PLEKHA5: variants seen among roughly 807,000 people sequenced by gnomAD.
The protein encoded by PLEKHA5 is pleckstrin homology domain containing A5.
Under a neutral mutation model 181.9 loss-of-function variants are expected in PLEKHA5, and 55 were observed. The ratio of observed to expected loss-of-function variants is 0.30; its 90% CI spans 0.24 to 0.38. The LOEUF (loss-of-function observed/expected upper bound fraction) is 0.38. Among genes scored for constraint, PLEKHA5 ranks in the 10% least tolerant of loss-of-function variants. The probability of loss-of-function intolerance (pLI) is 1.00; values close to 1 mark genes in which losing one functional copy is unlikely to be tolerated. For missense variants in PLEKHA5, 1,432 were observed against 1,549.5 expected, an observed-to-expected ratio of 0.92 and a Z score of 1.27; for synonymous variants, 535 against 529.4, an observed-to-expected ratio of 1.01 and a Z score of -0.15.
At chr12:19,226,235 G>A (rs556565399) in intron 3 of PLEKHA5, among the ~76,000 whole-genome samples, 3 of 152,142 alleles carry the variant, frequency 2.0e-5, no homozygotes, top group African/African-American at 7.2e-5. Context: ...TAGCATAATG[G>A]TTTTGTGATT....
rs188502174 is a variant in PLEKHA5, at chr12:19,197,563, G to A, written c.228-56377G>A. Among the ~76,000 whole-genome samples the A allele has an allele frequency of 2.0e-4, 31 of 152,122 alleles. No homozygotes were observed. The East Asian group carries it at 6.0e-3, about 29-fold the overall frequency. ...TACATCGTTTATTGTGTTTGCACTT[G>A]TCTTCTCTGATAGAAGCTCCCTGAA... On this transcript the variant is annotated intron_variant, in intron 3 of 31. Transcript: ENST00000429027.
intron 3 of PLEKHA5, among the ~76,000 whole-genome samples, chr12:19,170,426 GA>G (rs940946673): frequency 8.6e-5 from 7 of 81,268 alleles, no homozygotes; most frequent in African/African-American, 2.7e-4. Flanking sequence ...CAATTCAGAA[GA>G]CTTTTTTTTT....
At chr12:19,203,462 A>G (rs1255151333) in intron 3 of PLEKHA5, among the ~76,000 whole-genome samples, 1 of 152,028 alleles carries the variant, frequency 6.6e-6, no homozygotes, top group Non-Finnish European at 1.5e-5. Context: ...CAGTCTCCAC[A>G]CCACCAGTTC....
chr12:19,304,100 C>T (rs189347372), intron 15 of PLEKHA5, among the ~76,000 whole-genome samples: 96 of 152,012 alleles, frequency 6.3e-4, no homozygotes, highest in Non-Finnish European at 1.1e-3. Context: ...TGAGCCACCG[C>T]GCATGGCCGA....
chr12:19,319,671 A>G (rs903548238), intron 16 of PLEKHA5: 5 of 171,508 alleles, frequency 2.9e-5, no homozygotes, highest in Non-Finnish European at 3.7e-5. Context: ...CTCACAGTCA[A>G]TATAAAAATC....
At chr12:19,372,755 T>C (rs968063503) in intron 31 of PLEKHA5, 6 of 148,634 alleles carry the variant, frequency 4.0e-5, no homozygotes, top group African/African-American at 1.6e-4. Flanking sequence ...GTTTAAGCCT[T>C]TTTTCTTTTT....
intron 3 of PLEKHA5, among the ~76,000 whole-genome samples, chr12:19,145,427 T>C (rs538340689): frequency 3.9e-5 from 6 of 152,308 alleles, no homozygotes; most frequent in Admixed American, 3.9e-4. Flanking sequence ...CAAGAAGTTA[T>C]AAGTATCAGT....
chr12:19,193,168 A>C (rs1164932884), intron 3 of PLEKHA5, among the ~76,000 whole-genome samples: 1 of 152,222 alleles, frequency 6.6e-6, no homozygotes, highest in Non-Finnish European at 1.5e-5. Context: ...ATGTGAGTCA[A>C]CTTTAAACAT....
chr12:19,203,162 T>C (rs368844164), intron 3 of PLEKHA5, among the ~76,000 whole-genome samples: 1 of 152,066 alleles, frequency 6.6e-6, no homozygotes, highest in African/African-American at 2.4e-5. Flanking sequence ...AGGAAATGCA[T>C]GTTAGAGAGC....
At chr12:19,143,642 G>A (rs573271075) in intron 3 of PLEKHA5, among the ~76,000 whole-genome samples, 1 of 152,148 alleles carries the variant, frequency 6.6e-6, no homozygotes, top group African/African-American at 2.4e-5. Context: ...GCACAATTAT[G>A]TATGCGGCAC....
At chr12:19,294,278 A>G (rs1592355175) in intron 15 of PLEKHA5, among the ~76,000 whole-genome samples, 1 of 152,166 alleles carries the variant, frequency 6.6e-6, no homozygotes, top group East Asian at 1.9e-4. Context: ...TTGAATTTTA[A>G]TAAAATTTTT....
chr12:19,238,403 A>G (rs2061777272), intron 3 of PLEKHA5, among the ~76,000 whole-genome samples: 2 of 152,088 alleles, frequency 1.3e-5, no homozygotes, highest in South Asian at 2.1e-4. Flanking sequence ...TTATACATCT[A>G]TACTTAGAAG....
intron 16 of PLEKHA5, among the ~76,000 whole-genome samples, chr12:19,319,148 C>T (rs538089527): frequency 6.6e-6 from 1 of 152,194 alleles, no homozygotes; most frequent in African/African-American, 2.4e-5. Context: ...TGACACTTCT[C>T]AGGACACACC....
At chr12:19,185,754 C>T (rs773432670) in intron 3 of PLEKHA5, among the ~76,000 whole-genome samples, 2 of 152,090 alleles carry the variant, frequency 1.3e-5, no homozygotes, top group Admixed American at 6.6e-5. Flanking sequence ...GCAAATGATT[C>T]GGGAGTCTCC....
At chr12:19,310,474 G>C (rs1029289711) in intron 15 of PLEKHA5, among the ~76,000 whole-genome samples, 2 of 151,904 alleles carry the variant, frequency 1.3e-5, no homozygotes, top group African/African-American at 4.8e-5. Context: ...GCTGAGTGTG[G>C]TGGTGGGCAC....
chr12:19,230,476 C>T (rs896119012), intron 3 of PLEKHA5, among the ~76,000 whole-genome samples: 2 of 152,156 alleles, frequency 1.3e-5, no homozygotes, highest in African/African-American at 4.8e-5. Context: ...TCGGGCATGG[C>T]GGGCTGCAGG....
intron 20 of PLEKHA5, among the ~76,000 whole-genome samples, chr12:19,330,106 ATAGT>A (rs1413681503): frequency 6.6e-6 from 1 of 152,170 alleles, no homozygotes; most frequent in Non-Finnish European, 1.5e-5. Flanking sequence ...TGGCGCAGTA[ATAGT>A]TATTTATTTA....
chr12:19,368,014 G>C (rs1457788124), intron 30 of PLEKHA5, among the ~76,000 whole-genome samples: 1 of 152,032 alleles, frequency 6.6e-6, no homozygotes, highest in Admixed American at 6.6e-5. Flanking sequence ...CTTAGGAAAA[G>C]CATGGGGTTC....
chr12:19,277,224 C>T (rs2074816568), intron 11 of PLEKHA5, among the ~76,000 whole-genome samples: 1 of 152,046 alleles, frequency 6.6e-6, no homozygotes, highest in Non-Finnish European at 1.5e-5. Context: ...TTATAAAAAT[C>T]CAAATCAGAA....
Sources: gnomAD v4.1 joint callset for allele counts (sites outside exome capture counted in the v4.1 genomes callset) on GRCh38, gnomAD v4.1.1 for gene constraint, MANE v1.5 for transcripts, NCBI Gene and HGNC (gene_info 2026-07-23, HGNC 2026-07-21) for gene names.